Variants in C1orf159 observed in about 807,000 individuals in gnomAD.
C1orf159 encodes the protein chromosome 1 open reading frame 159.
C1orf159 carries 19 observed loss-of-function variants against 25.6 expected under a neutral mutation model. The ratio of observed to expected loss-of-function variants is 0.74; its 90% CI spans 0.52 to 1.09. The LOEUF (loss-of-function observed/expected upper bound fraction) is 1.09. Ranked by LOEUF, C1orf159 falls within the 50% of genes least tolerant of loss-of-function variation. C1orf159 has a pLI of 0.00. For missense variants in C1orf159, 274 were observed against 290.6 expected (o/e 0.94, Z 0.42); for synonymous variants, 139 against 124.7 (o/e 1.12, Z -0.77).
In C1orf159 at chr1:1,091,202, G is replaced by T. The variant is rs774665729; in HGVS notation, c.72+270C>A. ...ACGCTGTGCTGTCACCGCTGGCAGAGGTGCTCCCATTGCGGGCCAGGATGC... is the reference window on the plus strand; with the variant it reads ...ACGCTGTGCTGTCACCGCTGGCAGATGTGCTCCCATTGCGGGCCAGGATGC... On this transcript the variant is annotated intron_variant, in intron 3 of 9. Transcript: ENST00000421241. 46 of 615,508 alleles carry T rather than the reference G, an allele frequency of 7.5e-5. No homozygotes were observed. In the African/African-American group the frequency reaches 8.1e-4, roughly 11 times the overall value. 38.1% of individuals were successfully genotyped at this position (615,508 alleles called of 1,614,324 possible).
Position 1,087,580 on chromosome 1 carries a change from T to G in C1orf159, c.166A>C (p.Asn56His). The change falls in exon 5 of 10, where the codon AAC becomes CAC. Residue 56 changes from asparagine (N) to histidine (H), a missense_variant. Coordinates refer to ENST00000421241, the MANE Select transcript of C1orf159 (RefSeq NM_017891.5). This position sits in a 1 kb window ranked among gnomAD's most constrained non-coding sequence, Gnocchi z 8.3. ...ACGCAGCTGGCGCTCCCGTCCGCGT[T>G]CCAGCGCCTGTAACAGCCTGCGTGG... ...LCGPGCYRRW[N>H]ADGSASCVRC... 1 of 1,547,868 alleles carries G rather than the reference T, an allele frequency of 6.5e-7. No homozygotes were observed. The highest frequency in any genetic ancestry group is 1.2e-5 in the South Asian group (1 of 84,050).
At chr1:1,095,253 G>A (rs6678318) in intron 1 of C1orf159, among the ~76,000 whole-genome samples, 40,874 of 152,160 alleles carry the variant, frequency 0.27, 7,134 homozygotes, top group African/African-American at 0.5. Context: ...AAAAAAGCCT[G>A]CTGCGATTTT....
At chr1:1,101,467 A>G (rs1646098633) in intron 1 of C1orf159, among the ~76,000 whole-genome samples, 1 of 152,110 alleles carries the variant, frequency 6.6e-6, no homozygotes, top group African/African-American at 2.4e-5. Flanking sequence ...TTGGTAACAG[A>G]GCAAGACTGT....
At chr1:1,088,082 C>T (rs1259979520) in intron 4 of C1orf159, among the ~76,000 whole-genome samples, 1 of 151,612 alleles carries the variant, frequency 6.6e-6, no homozygotes, top group Non-Finnish European at 1.5e-5. Context: ...GCCCGGCTTC[C>T]ACCACCCAGC....
rs537570851 is a variant in C1orf159, at chr1:1,087,565, C to A, written c.181G>T (p.Ala61Ser). ...CYRRWNADGSASCVRCGNGTL... is the reference protein window; with the variant it reads ...CYRRWNADGSSSCVRCGNGTL... The stretch of plus-strand genomic sequence containing the variant: ...CCGTTCCCACAGCGGACGCAGCTGG[C>A]GCTCCCGTCCGCGTTCCAGCGCCTG... The change falls in exon 5 of 10, where the codon GCC becomes TCC. Residue 61 changes from alanine (A) to serine (S), a missense_variant. Coordinates refer to ENST00000421241, the MANE Select transcript of C1orf159 (RefSeq NM_017891.5). The surrounding 1 kb of genome is among the most constrained non-coding windows in gnomAD (Gnocchi z 8.3). The A allele has an allele frequency of 3.9e-6, 6 of 1,548,520 alleles. No individual in the cohort carries two copies. The highest frequency in any genetic ancestry group is 1.2e-5 in the South Asian group (1 of 84,044).
rs138500413 is a variant in C1orf159 at position 1,098,835 on chromosome 1, C to T, written c.-135-6732G>A. ...CCATGTTGGCTAGGTCGGTCCTGAA[C>T]TTCTGACCTCAGGTGATCCACCCGA... On this transcript the variant is annotated intron_variant, in intron 1 of 9. Coordinates refer to ENST00000421241, the MANE Select transcript of C1orf159 (RefSeq NM_017891.5). Among the ~76,000 whole-genome samples the T allele has an allele frequency of 2.2e-3, 335 of 152,278 alleles. 2 individuals carry two copies. Among genetic ancestry groups the T allele is most frequent in the African/African-American group, 6.2e-3 (256 of 41,550 alleles).
At chr1:1,086,240 C>T (rs1645828912) in intron 6 of C1orf159, among the ~76,000 whole-genome samples, 1 of 152,256 alleles carries the variant, frequency 6.6e-6, no homozygotes, top group Non-Finnish European at 1.5e-5. Flanking sequence ...CCACCTGCCC[C>T]GGCCTCAGCT....
chr1:1,084,187 C>G (rs1228296590), intron 9 of C1orf159, 166 bp downstream of exon 9: 6 of 1,527,222 alleles, frequency 3.9e-6, no homozygotes, highest in Non-Finnish European at 5.3e-6. Context: ...GGGCACCAGC[C>G]AAATCCGGCC....
intron 6 of C1orf159, among the ~76,000 whole-genome samples, 196 bp from the exon 7 acceptor site, chr1:1,086,208 G>A (rs1330344258): frequency 1.3e-5 from 2 of 152,248 alleles, no homozygotes; most frequent in Admixed American, 1.3e-4. Flanking sequence ...TGGGCATCTG[G>A]CCGCGGGGTC....
In C1orf159 at chr1:1,090,400, A is replaced by AT; in HGVS notation, c.100_101insA (p.Val34AspfsTer47). On this transcript the variant is annotated frameshift_variant, in exon 4 of 10. Transcript: ENST00000421241. LOFTEE classifies it high-confidence loss of function. ...TGGGCAGCTGGCGTTGACGCCCACCACATCCACACAGCACTCGGGCAGCTG... is the reference window on the plus strand; with the variant it reads ...TGGGCAGCTGGCGTTGACGCCCACCATCATCCACACAGCACTCGGGCAGCTG... 6.5e-7 allele frequency: 1 copy of AT among 1,550,376 alleles called. No individual in the cohort carries two copies. Among genetic ancestry groups the AT allele is most frequent in the Non-Finnish European group, 8.7e-7 (1 of 1,146,900 alleles).
intron 1 of C1orf159, among the ~76,000 whole-genome samples, chr1:1,094,549 C>T (rs1420215652): frequency 3.3e-4 from 50 of 151,972 alleles, no homozygotes; most frequent in Admixed American, 3.2e-3. Context: ...TACAGGTGCC[C>T]GCCACCACGC....
chr1:1,110,784 C>T lies in C1orf159; in HGVS notation c.-136+5276G>A, dbSNP rs6666280. The stretch of plus-strand genomic sequence containing the variant: ...CTCAGAGACGACGAGCACGCAACAG[C>T]GCATCCCACACCCACTCCTTGTGCA... On this transcript the variant is annotated intron_variant, in intron 1 of 9. Transcript: ENST00000421241. The surrounding 1 kb of genome is among the most constrained non-coding windows in gnomAD (Gnocchi z 4.8). 0.24 allele frequency among the ~76,000 whole-genome samples: 36,106 copies of T among 152,114 alleles called. 5,776 individuals are homozygous for T. Among genetic ancestry groups the T allele is most frequent in the African/African-American group, 0.46 (18,947 of 41,450 alleles).
At position 1,110,660 on chromosome 1, in the gene C1orf159, C is replaced by T. The variant is rs1330192782; in HGVS notation, c.-136+5400G>A. Among the ~76,000 whole-genome samples, 1 of 151,504 alleles carries T rather than the reference C, an allele frequency of 6.6e-6. No individual in the cohort carries two copies. Among genetic ancestry groups the T allele is most frequent in the Non-Finnish European group, 1.5e-5 (1 of 68,024 alleles). ...ACTTCCACACCTGGGATGCAGCCTT[C>T]CCCCCGGGCACGTTCCCAAGAGAAA... On this transcript the variant is annotated intron_variant, in intron 1 of 9. Coordinates refer to ENST00000421241, the MANE Select transcript of C1orf159 (RefSeq NM_017891.5). The surrounding 1 kb of genome is among the most constrained non-coding windows in gnomAD (Gnocchi z 4.8).
At chr1:1,104,145 A>G (rs1570330510) in intron 1 of C1orf159, among the ~76,000 whole-genome samples, 1 of 151,738 alleles carries the variant, frequency 6.6e-6, no homozygotes. Context: ...CTGCCACCAC[A>G]CCTGGCTAAT....
chr1:1,091,631 C>T, intron 2 of C1orf159, 66 bp from the exon 3 acceptor site: 1 of 832,284 alleles, frequency 1.2e-6, no homozygotes, highest in Non-Finnish European at 1.7e-6. Context: ...TGGGTGGGGC[C>T]AAATGAAAGT....
At chr1:1,096,123 A>AT (rs1275801323) in intron 1 of C1orf159, among the ~76,000 whole-genome samples, 10 of 151,964 alleles carry the variant, frequency 6.6e-5, no homozygotes, top group African/African-American at 2.4e-4. Flanking sequence ...GTGGTCTATA[A>AT]TTTTTTTTAG....
rs994560289 is a variant in C1orf159 at position 1,089,100 on chromosome 1, G to A, written c.148+1253C>T. 9.9e-5 allele frequency among the ~76,000 whole-genome samples: 15 copies of A among 152,204 alleles called. No individual in the cohort carries two copies. The highest frequency in any genetic ancestry group is 2.9e-5 in the Non-Finnish European group (2 of 68,016). On this transcript the variant is annotated intron_variant, in intron 4 of 9. Coordinates refer to ENST00000421241, the MANE Select transcript of C1orf159 (RefSeq NM_017891.5). The surrounding 1 kb of genome is among the most constrained non-coding windows in gnomAD (Gnocchi z 7.5). ...GCCCGCTGCCTCCCCGAGCGGAGAC[G>A]TGACCTGGCTTGGGGCCGCACGCAG...
chr1:1,109,080 A>G (rs1299587892), intron 1 of C1orf159, among the ~76,000 whole-genome samples: 1 of 150,790 alleles, frequency 6.6e-6, no homozygotes, highest in Admixed American at 6.6e-5. Flanking sequence ...CGTTCACCAC[A>G]GCCACCATGT....
chr1:1,107,821 C>T (rs574095985), intron 1 of C1orf159, among the ~76,000 whole-genome samples: 36 of 152,300 alleles, frequency 2.4e-4, no homozygotes, highest in African/African-American at 8.4e-4. Context: ...TTTGGGTCTG[C>T]ACTGCCTTTA....
Sources: allele counts gnomAD v4.1 joint callset (sites outside exome capture counted in the v4.1 genomes callset), GRCh38; gene constraint gnomAD v4.1.1; non-coding constraint Gnocchi (gnomAD v3.1); transcripts MANE v1.5; gene names NCBI Gene and HGNC (gene_info 2026-07-23, HGNC 2026-07-21).